PDE1A: variants seen among roughly 807,000 people sequenced by gnomAD.
PDE1A encodes the protein dual specificity calcium/calmodulin-dependent 3',5'-cyclic nucleotide phosphodiesterase 1A.
In PDE1A, 35 loss-of-function variants were observed where a neutral mutation model predicts 61.7. That is an observed-to-expected ratio of 0.57 (90% CI 0.43 to 0.75). The LOEUF (loss-of-function observed/expected upper bound fraction) is 0.75. Ranked by LOEUF, PDE1A falls within the 30% of genes least tolerant of loss-of-function variation. The pLI is 0.00. For synonymous variants in PDE1A, 232 were observed against 213.2 expected, an observed-to-expected ratio of 1.09 and a Z score of -0.77; for missense variants, 597 against 630.6, an observed-to-expected ratio of 0.95 and a Z score of 0.57.
At chr2:182,489,292 A>C (rs1337662622) in intron 2 of PDE1A, among the ~76,000 whole-genome samples, 1 of 152,206 alleles carries the variant, frequency 6.6e-6, no homozygotes, top group East Asian at 1.9e-4. Flanking sequence ...AAAGGACATG[A>C]AGTTAAAAAG....
chr2:182,234,830 G>C (rs1193744289), intron 3 of PDE1A, among the ~76,000 whole-genome samples: 6 of 152,130 alleles, frequency 3.9e-5, no homozygotes, highest in Non-Finnish European at 8.8e-5. Flanking sequence ...CCATATCCCT[G>C]ACAGCAGAAC....
At chr2:182,263,845 C>G (rs978159999) in intron 2 of PDE1A, among the ~76,000 whole-genome samples, 2 of 152,140 alleles carry the variant, frequency 1.3e-5, no homozygotes, top group South Asian at 2.1e-4. Flanking sequence ...TTGGGATGCC[C>G]CTTAGCAATC....
chr2:182,184,117 T>C (rs995636791), intron 13 of PDE1A, among the ~76,000 whole-genome samples: 13 of 151,960 alleles, frequency 8.6e-5, no homozygotes, highest in African/African-American at 2.9e-4. Flanking sequence ...TCCTAAGTTA[T>C]GCATAACACA....
chr2:182,682,685 T>G, the PDE1A span, among the ~76,000 whole-genome samples: 5 of 152,226 alleles, frequency 3.3e-5, no homozygotes, highest in Non-Finnish European at 7.3e-5. Flanking sequence ...CCCTCAAAAC[T>G]TTTACTATGT....
the PDE1A span, among the ~76,000 whole-genome samples, chr2:182,623,325 A>T: frequency 1.3e-5 from 2 of 152,180 alleles, no homozygotes; most frequent in Non-Finnish European, 2.9e-5. Flanking sequence ...GACATAGTAC[A>T]CTTCTCTAGG....
At chr2:182,382,236 A>C (rs138044430) in intron 1 of PDE1A, among the ~76,000 whole-genome samples, 1 of 152,352 alleles carries the variant, frequency 6.6e-6, no homozygotes, top group East Asian at 1.9e-4. Context: ...CTTTAAAAGC[A>C]GAGTTTTCCT....
At chr2:182,567,994 T>C in the PDE1A span, among the ~76,000 whole-genome samples, 4 of 151,996 alleles carry the variant, frequency 2.6e-5, no homozygotes, top group Non-Finnish European at 4.4e-5. Context: ...TGTTTCACTA[T>C]GTTGGCCAGG....
intron 1 of PDE1A, among the ~76,000 whole-genome samples, chr2:182,424,593 G>A (rs1703488561): frequency 6.6e-6 from 1 of 152,194 alleles, no homozygotes; most frequent in African/African-American, 2.4e-5. Context: ...CATGAGATAA[G>A]AAGCAATGCA....
chr2:182,498,880 T>G lies in PDE1A; in HGVS notation c.101+23396A>C, dbSNP rs757028871. Among the ~76,000 whole-genome samples the G allele has an allele frequency of 2.6e-5, 4 of 150,960 alleles. No individual in the cohort carries two copies. In the East Asian group the frequency reaches 8.1e-4, roughly 30 times the overall value. On this transcript the variant is annotated intron_variant, in intron 2 of 14. Coordinates refer to the PDE1A transcript ENST00000410103. ...AATGGCGTGAACCCGGAAGGCGGAG[T>G]TCGCAGTGAGCGGAAATGCGCCACT...
At position 182,259,636 on chromosome 2, in the gene PDE1A, G is replaced by A. The variant is rs150803500; in HGVS notation, c.167+4665C>T. On this transcript the variant is annotated intron_variant, in intron 2 of 13. Transcript: ENST00000351439. Reference sequence around the variant, plus strand: ...GAAAGAGTATTAAGTAGAGAATCCAGACTTTGAACAACCTACTCTTTCTGA... The same window carrying A: ...GAAAGAGTATTAAGTAGAGAATCCAAACTTTGAACAACCTACTCTTTCTGA... 5.2e-3 allele frequency among the ~76,000 whole-genome samples: 797 copies of A among 152,300 alleles called. 6 individuals carry two copies. The highest frequency in any genetic ancestry group is 7.7e-3 in the Non-Finnish European group (526 of 68,024).
At chr2:182,287,645 C>T (rs907546016) in intron 1 of PDE1A, among the ~76,000 whole-genome samples, 3 of 152,148 alleles carry the variant, frequency 2.0e-5, no homozygotes, top group Non-Finnish European at 4.4e-5. Context: ...AAAGACAAGA[C>T]AAGTTTGTTT....
intron 4 of PDE1A, among the ~76,000 whole-genome samples, chr2:182,233,258 G>A (rs1012876711): frequency 6.6e-6 from 1 of 152,134 alleles, no homozygotes; most frequent in African/African-American, 2.4e-5. Context: ...TTGGCACCAG[G>A]GACTAGTTGT....
intron 1 of PDE1A, among the ~76,000 whole-genome samples, chr2:182,280,725 T>C (rs1693746075): frequency 6.6e-6 from 1 of 151,850 alleles, no homozygotes; most frequent in Non-Finnish European, 1.5e-5. Flanking sequence ...CTCTTTGATT[T>C]TGTGGGTTTA....
the PDE1A span, among the ~76,000 whole-genome samples, chr2:182,534,361 T>C: frequency 3.3e-5 from 5 of 152,020 alleles, no homozygotes; most frequent in Admixed American, 1.3e-4. Context: ...CAAATTTGCA[T>C]AGAAAACATA....
the PDE1A span, among the ~76,000 whole-genome samples, chr2:182,606,486 G>T: frequency 6.6e-6 from 1 of 152,030 alleles, no homozygotes; most frequent in Non-Finnish European, 1.5e-5. Flanking sequence ...CCTCCTCAAG[G>T]TATTTATATA....
chr2:182,328,527 G>A (rs1159541196), intron 1 of PDE1A, among the ~76,000 whole-genome samples: 1 of 152,122 alleles, frequency 6.6e-6, no homozygotes, highest in Non-Finnish European at 1.5e-5. Context: ...CAGATTTTAA[G>A]TTCTACTATG....
the PDE1A span, among the ~76,000 whole-genome samples, chr2:182,668,848 T>A: frequency 2.0e-5 from 3 of 152,136 alleles, no homozygotes; most frequent in Non-Finnish European, 4.4e-5. Flanking sequence ...CTTTACTCTC[T>A]CTCTCTCTCC....
the PDE1A span, among the ~76,000 whole-genome samples, chr2:182,583,721 A>T: frequency 3.3e-5 from 5 of 152,306 alleles, no homozygotes; most frequent in East Asian, 5.8e-4. Context: ...TTTCTGCATT[A>T]TTCACATCAA....
intron 2 of PDE1A, among the ~76,000 whole-genome samples, chr2:182,489,106 G>A (rs780426344): frequency 2.2e-4 from 33 of 152,152 alleles, no homozygotes; most frequent in African/African-American, 6.0e-4. Context: ...TCTGAGAGAC[G>A]ACATTTGAGT....
Sources: gnomAD v4.1 joint callset for allele counts (sites outside exome capture counted in the v4.1 genomes callset) on GRCh38, gnomAD v4.1.1 for gene constraint, MANE v1.5 for transcripts, NCBI Gene and HGNC (gene_info 2026-07-23, HGNC 2026-07-21) for gene names.